Variants in TUBGCP5 observed in about 807,000 individuals in gnomAD.
TUBGCP5 encodes the protein tubulin gamma complex component 5.
Under a neutral mutation model 134.7 loss-of-function variants are expected in TUBGCP5, and 98 were observed. That is an observed-to-expected ratio of 0.73 (90% CI 0.62 to 0.86). The LOEUF is 0.86. Ranked by LOEUF, TUBGCP5 falls within the 40% of genes least tolerant of loss-of-function variation. TUBGCP5 has a pLI of 0.00. For synonymous variants in TUBGCP5, 456 were observed against 431.4 expected, an observed-to-expected ratio of 1.06 and a Z score of -0.71; for missense variants, 1,150 against 1,244.8, an observed-to-expected ratio of 0.92 and a Z score of 1.15.
At position 23,013,117 on chromosome 15, in the gene TUBGCP5, C is replaced by A. The variant is rs2065128934; in HGVS notation, c.1757-1786G>T. On this transcript the variant is annotated intron_variant, in intron 13 of 22. Coordinates refer to ENST00000615383, the MANE Select transcript of TUBGCP5 (RefSeq NM_052903.6). The surrounding 1 kb of genome is among the most constrained non-coding windows in gnomAD (Gnocchi z 4.5). ...GCCTGGAGACGTCTGGTGTTCCTCT[C>A]CCAACAGCAAGAGAGGACCAAAGCA... is the stretch of plus-strand genomic sequence containing the variant. Among the ~76,000 whole-genome samples, 1 of 151,808 alleles carries A rather than the reference C, an allele frequency of 6.6e-6. No homozygotes were observed. Among genetic ancestry groups the A allele is most frequent in the Non-Finnish European group, 1.5e-5 (1 of 67,962 alleles).
At position 23,018,053 on chromosome 15, in the gene TUBGCP5, C is replaced by G; in HGVS notation, c.1488-12G>C. ...GAACATTTTTGTTTCTAAAGAGATTCAAAAGAATTTTAAACTCTTATTTCT... is the reference window on the plus strand; with the variant it reads ...GAACATTTTTGTTTCTAAAGAGATTGAAAAGAATTTTAAACTCTTATTTCT... On this transcript the variant is annotated splice_polypyrimidine_tract_variant and intron_variant, in intron 12 of 22. Coordinates refer to ENST00000615383, the MANE Select transcript of TUBGCP5 (RefSeq NM_052903.6). 2 of 1,594,016 alleles carry G rather than the reference C, an allele frequency of 1.3e-6. No individual in the cohort carries two copies. The highest frequency in any genetic ancestry group is 1.7e-6 in the Non-Finnish European group (2 of 1,169,396).
In TUBGCP5 at chr15:23,039,369, G is replaced by A. The variant is rs763078346; in HGVS notation, c.146+29C>T. On this transcript the variant is annotated intron_variant, in intron 1 of 22. Coordinates refer to ENST00000615383, the MANE Select transcript of TUBGCP5 (RefSeq NM_052903.6). Reference sequence around the variant, plus strand: ...ACGCGCGGGCTCCGGGCTGTGGCCGGGAACCCGCCCGCGCGCCGTGCCCCA... The same window carrying A: ...ACGCGCGGGCTCCGGGCTGTGGCCGAGAACCCGCCCGCGCGCCGTGCCCCA... The A allele has an allele frequency of 1.5e-5, 21 of 1,390,226 alleles. 1 individual carries two copies. The African/African-American group carries it at 1.9e-4, about 13-fold the overall frequency. The allele number at this position is 1,390,226 out of a possible 1,614,324, so 86.1% of individuals were successfully genotyped here.
intron 20 of TUBGCP5, 53 bp from the exon 21 acceptor site, chr15:23,003,206 T>C (rs1266828022): frequency 6.5e-7 from 1 of 1,530,940 alleles, no homozygotes; most frequent in Non-Finnish European, 9.0e-7. Context: ...TGGACACTGA[T>C]ACCAACACTT....
At chr15:22,999,939 G>A (rs527666459) in intron 22 of TUBGCP5, 73 bp from the exon 23 acceptor site, 61 of 1,368,554 alleles carry the variant, frequency 4.5e-5, no homozygotes, top group Non-Finnish European at 5.9e-5. Flanking sequence ...TGAAGACGGA[G>A]TCCCACTGTC....
At chr15:22,993,608 G>A (rs748796312) in intron 23 of TUBGCP5, among the ~76,000 whole-genome samples, 45 of 143,620 alleles carry the variant, frequency 3.1e-4, no homozygotes, top group African/African-American at 8.7e-4. Flanking sequence ...GTAATGGTGC[G>A]ATCTCGGCTC....
intron 10 of TUBGCP5, among the ~76,000 whole-genome samples, chr15:23,022,868 AG>A (rs901016818): frequency 6.6e-6 from 1 of 152,210 alleles, no homozygotes; most frequent in Non-Finnish European, 1.5e-5. Flanking sequence ...AGGGGAAAAA[AG>A]CTACATGGGT....
intron 23 of TUBGCP5, among the ~76,000 whole-genome samples, chr15:22,993,454 A>G (rs2063920745): frequency 6.8e-6 from 1 of 147,458 alleles, no homozygotes; most frequent in Non-Finnish European, 1.5e-5. Context: ...GCTGGAGTGC[A>G]GTGGCACGAT....
At chr15:23,028,858 G>T (rs28773563) in intron 6 of TUBGCP5, among the ~76,000 whole-genome samples, 1 of 151,988 alleles carries the variant, frequency 6.6e-6, no homozygotes, top group Non-Finnish European at 1.5e-5. Context: ...CTAGCAGGAA[G>T]AATAAAACCA....
chr15:23,033,279 A>G (rs1043172895), intron 3 of TUBGCP5, among the ~76,000 whole-genome samples: 1 of 151,638 alleles, frequency 6.6e-6, no homozygotes, highest in Non-Finnish European at 1.5e-5. Context: ...ATGTTGTTTC[A>G]TATTTTTTTT....
chr15:23,035,239 G>A (rs1308917721), intron 3 of TUBGCP5, among the ~76,000 whole-genome samples: 1 of 150,222 alleles, frequency 6.7e-6, no homozygotes, highest in Non-Finnish European at 1.5e-5. Flanking sequence ...TGAGGCAGGA[G>A]AATCACTTGA....
chr15:23,024,224 A>C, intron 9 of TUBGCP5, 31 bp from the exon 10 acceptor site: 1 of 1,603,994 alleles, frequency 6.2e-7, no homozygotes, highest in East Asian at 2.2e-5. Context: ...AATTATTCAA[A>C]GGTGGTCTTC....
At chr15:23,008,978 C>G in intron 15 of TUBGCP5, 97 bp from the exon 16 acceptor site, 3 of 949,100 alleles carry the variant, frequency 3.2e-6, no homozygotes, top group African/African-American at 3.4e-5. Context: ...TTTAGTGGAA[C>G]AAGTTTACAT....
chr15:22,995,828 T>A (rs2064048495), downstream of TUBGCP5, among the ~76,000 whole-genome samples: 1 of 152,134 alleles, frequency 6.6e-6, no homozygotes, highest in Non-Finnish European at 1.5e-5. Flanking sequence ...TGTTGCAATT[T>A]CTATCACTGG....
chr15:23,030,867 C>T lies in TUBGCP5; in HGVS notation c.622+18G>A, dbSNP rs779772379. 10 of 1,607,380 alleles carry T rather than the reference C, an allele frequency of 6.2e-6. No individual in the cohort carries two copies. Among genetic ancestry groups the T allele is most frequent in the Non-Finnish European group, 1.7e-6 (2 of 1,178,500 alleles). On this transcript the variant is annotated intron_variant, in intron 6 of 22. Transcript: ENST00000615383. Reference sequence around the variant, plus strand: ...ATTTGTCTATTAGAAAATGCGAGCACCTCATAACACATAATACCTTTCCAA... The same window carrying T: ...ATTTGTCTATTAGAAAATGCGAGCATCTCATAACACATAATACCTTTCCAA...
chr15:22,990,828 C>T (rs9806547), intron 23 of TUBGCP5, among the ~76,000 whole-genome samples: 6,995 of 152,196 alleles, frequency 0.046, 431 homozygotes, highest in African/African-American at 0.14. Flanking sequence ...ACAAGAGACA[C>T]GCAGAGAACA....
At chr15:23,016,604 G>T (rs141528014) in intron 13 of TUBGCP5, among the ~76,000 whole-genome samples, 2 of 152,028 alleles carry the variant, frequency 1.3e-5, no homozygotes, top group African/African-American at 4.8e-5. Flanking sequence ...TAATTATTAG[G>T]GAAAATGCAA....
chr15:22,994,157 C>T (rs1234945053), intron 23 of TUBGCP5, among the ~76,000 whole-genome samples: 6 of 151,922 alleles, frequency 3.9e-5, no homozygotes, highest in Admixed American at 1.3e-4. Flanking sequence ...GGTGCAGTCT[C>T]GGCTCACTGC....
At chr15:22,993,647 C>T (rs1427039914) in intron 23 of TUBGCP5, among the ~76,000 whole-genome samples, 3 of 148,706 alleles carry the variant, frequency 2.0e-5, no homozygotes, top group East Asian at 4.1e-4. Flanking sequence ...TGGGTTCAAG[C>T]GGTTCTCCTG....
chr15:23,004,096 A>T lies in TUBGCP5; in HGVS notation c.2838+6T>A, dbSNP rs935846106. The T allele has an allele frequency of 6.2e-7, 1 of 1,606,616 alleles. No homozygotes were observed. Among genetic ancestry groups the T allele is most frequent in the Non-Finnish European group, 8.5e-7 (1 of 1,177,626 alleles). On this transcript the variant is annotated splice_donor_region_variant and intron_variant, in intron 20 of 22. Coordinates refer to ENST00000615383, the MANE Select transcript of TUBGCP5 (RefSeq NM_052903.6). ...TGGCCACATCTGCAGGAGACATCTCATGTACCTTTTCTCTCAGCAGACACC... is the reference window on the plus strand; with the variant it reads ...TGGCCACATCTGCAGGAGACATCTCTTGTACCTTTTCTCTCAGCAGACACC...
Sources: gnomAD v4.1 joint callset for allele counts (sites outside exome capture counted in the v4.1 genomes callset) on GRCh38, gnomAD v4.1.1 for gene constraint, Gnocchi (gnomAD v3.1) non-coding constraint, MANE v1.5 for transcripts, NCBI Gene and HGNC (gene_info 2026-07-23, HGNC 2026-07-21) for gene names.